The following UNC5D variants were observed in gnomAD, a reference collection of about 807,000 sequenced individuals.
UNC5D encodes the protein netrin receptor UNC5D.
UNC5D carries 39 observed loss-of-function variants against 105.4 expected under a neutral mutation model. That is an observed-to-expected ratio of 0.37 (90% CI 0.29 to 0.48). The LOEUF is 0.48. UNC5D is among the 20% of genes least tolerant of loss of function. The pLI, the probability that UNC5D is intolerant of heterozygous loss-of-function variation, is 0.98. For missense variants in UNC5D, 991 were observed against 1,202.4 expected (o/e 0.82, Z 2.60); for synonymous variants, 452 against 450.4 (o/e 1.00, Z -0.04).
chr8:35,300,264 A>G (rs1807834460), intron 1 of UNC5D, among the ~76,000 whole-genome samples: 1 of 151,980 alleles, frequency 6.6e-6, no homozygotes, highest in Non-Finnish European at 1.5e-5. Flanking sequence ...CCTGGCCAAC[A>G]TGGCAAAACG....
chr8:35,663,327 T>TAGAA (rs1463868108), intron 4 of UNC5D, among the ~76,000 whole-genome samples: 3 of 152,332 alleles, frequency 2.0e-5, no homozygotes, highest in Non-Finnish European at 4.4e-5. Flanking sequence ...GTATCCCTTC[T>TAGAA]GTCCTTATTC....
At chr8:35,340,776 A>T (rs905590177) in intron 1 of UNC5D, among the ~76,000 whole-genome samples, 1 of 152,180 alleles carries the variant, frequency 6.6e-6, no homozygotes, top group African/African-American at 2.4e-5. Flanking sequence ...CAAGGATATA[A>T]GGATTTGTTG....
At chr8:35,305,141 A>G (rs192964768) in intron 1 of UNC5D, among the ~76,000 whole-genome samples, 2 of 152,266 alleles carry the variant, frequency 1.3e-5, no homozygotes, top group Admixed American at 6.5e-5. Context: ...GTCATCAAAT[A>G]TTTGAAAACA....
chr8:35,670,011 G>A (rs1174943232), intron 4 of UNC5D, among the ~76,000 whole-genome samples: 1 of 152,106 alleles, frequency 6.6e-6, no homozygotes, highest in Non-Finnish European at 1.5e-5. Flanking sequence ...ATGTGGGGAG[G>A]TGTTTTGCAG....
chr8:35,247,095 T>G (rs1056550379), intron 1 of UNC5D, among the ~76,000 whole-genome samples: 1 of 152,068 alleles, frequency 6.6e-6, no homozygotes, highest in African/African-American at 2.4e-5. Flanking sequence ...TTCTCAGTGT[T>G]GTCCTTGCCT....
Position 35,508,572 on chromosome 8 carries a change from C to G in UNC5D, c.104-40720C>G, listed in dbSNP as rs565155158. Among the ~76,000 whole-genome samples, 4 of 152,304 alleles carry G rather than the reference C, an allele frequency of 2.6e-5. No homozygotes were observed. The South Asian group carries it at 8.3e-4, about 32-fold the overall frequency. On this transcript the variant is annotated intron_variant, in intron 1 of 16. Coordinates refer to ENST00000404895, the MANE Select transcript of UNC5D (RefSeq NM_080872.4). ...GAGCCCTCTAAAAAGACAAATTGTA[C>G]ATTTTTTGAAGCACTGCTGGGAGGT...
intron 2 of UNC5D, among the ~76,000 whole-genome samples, chr8:35,558,869 G>T (rs1215846432): frequency 2.0e-5 from 3 of 152,002 alleles, no homozygotes; most frequent in Non-Finnish European, 4.4e-5. Flanking sequence ...TGTAATCCCA[G>T]CTACTTGGGA....
chr8:35,512,663 C>T (rs1812837035), intron 1 of UNC5D, among the ~76,000 whole-genome samples: 1 of 147,672 alleles, frequency 6.8e-6, no homozygotes, highest in African/African-American at 2.5e-5. Flanking sequence ...CTAGCTTCAA[C>T]AGTCTGCTCC....
intron 1 of UNC5D, among the ~76,000 whole-genome samples, chr8:35,379,510 A>G (rs950302968): frequency 6.6e-6 from 1 of 152,128 alleles, no homozygotes; most frequent in Non-Finnish European, 1.5e-5. Context: ...TTCTTCCATT[A>G]TCTTACGTCT....
chr8:35,267,861 TTTGC>T (rs1804996843), intron 1 of UNC5D, among the ~76,000 whole-genome samples: 6 of 152,232 alleles, frequency 3.9e-5, no homozygotes, highest in Admixed American at 3.9e-4. Flanking sequence ...TTGTTCCAGG[TTTGC>T]TGACCTTTTC....
chr8:35,563,379 G>A (rs1312977821), intron 2 of UNC5D, among the ~76,000 whole-genome samples: 1 of 148,660 alleles, frequency 6.7e-6, no homozygotes, highest in Non-Finnish European at 1.5e-5. Flanking sequence ...GGTGGGGAGA[G>A]CTATTATAAA....
intron 1 of UNC5D, among the ~76,000 whole-genome samples, chr8:35,422,937 C>T (rs905446276): frequency 6.6e-6 from 1 of 152,070 alleles, no homozygotes; most frequent in African/African-American, 2.4e-5. Flanking sequence ...TCTCAAATGC[C>T]CCACAGATGA....
At chr8:35,390,515 T>C (rs1803704705) in intron 1 of UNC5D, among the ~76,000 whole-genome samples, 1 of 152,092 alleles carries the variant, frequency 6.6e-6, no homozygotes, top group South Asian at 2.1e-4. Context: ...TGGAGAAAAC[T>C]TCCAGAAGAG....
intron 1 of UNC5D, among the ~76,000 whole-genome samples, chr8:35,402,230 C>T (rs1271287189): frequency 6.6e-6 from 1 of 152,020 alleles, no homozygotes; most frequent in African/African-American, 2.4e-5. Context: ...AAAGACATAC[C>T]CAAGACTGGG....
intron 1 of UNC5D, among the ~76,000 whole-genome samples, chr8:35,494,088 CTT>C (rs1811388702): frequency 6.6e-6 from 1 of 152,108 alleles, no homozygotes; most frequent in African/African-American, 2.4e-5. Context: ...CTTATCCTCT[CTT>C]TTTTGTCTAT....
At chr8:35,535,581 A>C (rs552504895) in intron 1 of UNC5D, among the ~76,000 whole-genome samples, 2 of 152,190 alleles carry the variant, frequency 1.3e-5, no homozygotes, top group South Asian at 2.1e-4. Flanking sequence ...TTTCAAGAGC[A>C]TCCAGGTCTC....
At position 35,766,802 on chromosome 8, in the gene UNC5D, G is replaced by GTCT. The variant is rs146488837; in HGVS notation, c.2314-98_2314-97insTTC. The GTCT allele has an allele frequency of 0.022, 29,210 of 1,339,236 alleles. 2,181 individuals are homozygous for GTCT. The African/African-American group carries it at 0.24, about 11-fold the overall frequency. The allele number at this position is 1,339,236 out of a possible 1,614,324, so 83.0% of individuals were successfully genotyped here. ...TGTGATTGTCCTCATCGTTGTTGTT[G>GTCT]TCGTCATCATCATCATCATCATCAC... is the stretch of plus-strand genomic sequence containing the variant. On this transcript the variant is annotated intron_variant, in intron 14 of 16. Coordinates refer to ENST00000404895, the MANE Select transcript of UNC5D (RefSeq NM_080872.4).
At chr8:35,753,403 A>G (rs188271972) in intron 13 of UNC5D, among the ~76,000 whole-genome samples, 15 of 151,960 alleles carry the variant, frequency 9.9e-5, no homozygotes, top group African/African-American at 3.4e-4. Flanking sequence ...TGAGTAGCTG[A>G]GACTACAGTC....
intron 2 of UNC5D, among the ~76,000 whole-genome samples, chr8:35,554,593 T>C (rs1438587163): frequency 6.6e-6 from 1 of 152,202 alleles, no homozygotes; most frequent in Non-Finnish European, 1.5e-5. Flanking sequence ...GACACACATA[T>C]GTCATACACA....
Sources: gnomAD v4.1 joint callset for allele counts (sites outside exome capture counted in the v4.1 genomes callset) on GRCh38, gnomAD v4.1.1 for gene constraint, MANE v1.5 for transcripts, NCBI Gene and HGNC (gene_info 2026-07-23, HGNC 2026-07-21) for gene names.